The following LARP4B variants were observed in gnomAD, a reference collection of about 807,000 sequenced individuals.
LARP4B encodes la-related protein 4B.
LARP4B carries 12 observed loss-of-function variants against 89.8 expected under a neutral mutation model. The ratio of observed to expected loss-of-function variants is 0.13; its 90% CI spans 0.09 to 0.22. The LOEUF (loss-of-function observed/expected upper bound fraction) is 0.22. Among genes scored for constraint, LARP4B ranks in the 10% least tolerant of loss-of-function variants. LARP4B has a pLI of 1.00. For synonymous variants in LARP4B, 367 were observed against 363.3 expected (o/e 1.01, Z -0.12); for missense variants, 757 against 947.7 (o/e 0.80, Z 2.64).
At chr10:892,266 G>A (rs1403656397) in intron 1 of LARP4B, among the ~76,000 whole-genome samples, 1 of 152,198 alleles carries the variant, frequency 6.6e-6, no homozygotes, top group Non-Finnish European at 1.5e-5. Flanking sequence ...CCTATCTGTG[G>A]CCTCTATGCT....
rs187016412 is a variant in LARP4B, at chr10:814,181, G to C, written c.1929+561C>G. On this transcript the variant is annotated intron_variant, in intron 17 of 17. Coordinates refer to ENST00000316157, the MANE Select transcript of LARP4B (RefSeq NM_015155.3). This position sits in a 1 kb window ranked among gnomAD's most constrained non-coding sequence, Gnocchi z 4.4. ...ATCCTTTTTTAGACTCAGCCCAGGGGACAGTAAGGGATTAAACTCCCAAAT... is the reference window on the plus strand; with the variant it reads ...ATCCTTTTTTAGACTCAGCCCAGGGCACAGTAAGGGATTAAACTCCCAAAT... Among the ~76,000 whole-genome samples the C allele has an allele frequency of 6.6e-6, 1 of 152,016 alleles. No individual in the cohort carries two copies. The highest frequency in any genetic ancestry group is 6.5e-5 in the Admixed American group (1 of 15,286).
the LARP4B span, among the ~76,000 whole-genome samples, chr10:947,251 G>A: frequency 3.9e-5 from 6 of 152,276 alleles, no homozygotes; most frequent in African/African-American, 1.4e-4. Flanking sequence ...CATCATCTGC[G>A]TGTCTTGCCG....
At chr10:966,639 C>T in the LARP4B span, among the ~76,000 whole-genome samples, 1 of 152,206 alleles carries the variant, frequency 6.6e-6, no homozygotes, top group Non-Finnish European at 1.5e-5. Flanking sequence ...GTGTCAGCAC[C>T]CATGGGTGTC....
At chr10:960,523 G>A in the LARP4B span, among the ~76,000 whole-genome samples, 8,401 of 151,740 alleles carry the variant, frequency 0.055, 427 homozygotes, top group African/African-American at 0.14. Flanking sequence ...CTTGTCCAAC[G>A]TGGTGAAACC....
At chr10:934,082 T>G (rs1177205585), upstream of LARP4B, among the ~76,000 whole-genome samples, 3 of 152,044 alleles carry the variant, frequency 2.0e-5, no homozygotes, top group Admixed American at 1.3e-4. Context: ...TCCGCCTGCC[T>G]CAGCCTCCCT....
At chr10:986,060 C>G in the LARP4B span, 1 of 150,258 alleles carries the variant, frequency 6.7e-6, no homozygotes, top group East Asian at 2.0e-4. Context: ...CGGATGCCTA[C>G]TGATGGCTAA....
At chr10:859,953 C>T (rs1353916330) in intron 5 of LARP4B, among the ~76,000 whole-genome samples, 1 of 151,260 alleles carries the variant, frequency 6.6e-6, no homozygotes, top group East Asian at 2.0e-4. Flanking sequence ...ATGGAGGGTA[C>T]ATGTCATTAT....
At chr10:978,006 T>C in the LARP4B span, among the ~76,000 whole-genome samples, 1 of 152,148 alleles carries the variant, frequency 6.6e-6, no homozygotes, top group Non-Finnish European at 1.5e-5. Flanking sequence ...CCCTATCCCA[T>C]AGGCTATTTC....
intron 3 of LARP4B, among the ~76,000 whole-genome samples, chr10:866,523 C>G (rs544222767): frequency 6.6e-6 from 1 of 152,340 alleles, no homozygotes; most frequent in East Asian, 1.9e-4. Flanking sequence ...CACAACACTG[C>G]CTCTGGCAGC....
chr10:945,549 A>T, the LARP4B span, among the ~76,000 whole-genome samples: 3 of 152,070 alleles, frequency 2.0e-5, no homozygotes, highest in East Asian at 1.9e-4. Context: ...TTAGCCGGGC[A>T]TGGTGGCGGG....
At chr10:919,146 T>A (rs185525213) in intron 1 of LARP4B, among the ~76,000 whole-genome samples, 43 of 152,288 alleles carry the variant, frequency 2.8e-4, no homozygotes, top group Admixed American at 5.2e-4. Flanking sequence ...ATTCAACTAT[T>A]AAATATTTAA....
At chr10:918,962 T>C (rs1040108049) in intron 1 of LARP4B, among the ~76,000 whole-genome samples, 1 of 151,954 alleles carries the variant, frequency 6.6e-6, no homozygotes, top group African/African-American at 2.4e-5. Context: ...GCGCCTGTAG[T>C]CCCAGCTACT....
At chr10:920,882 T>C (rs1027847680) in intron 1 of LARP4B, among the ~76,000 whole-genome samples, 21 of 152,238 alleles carry the variant, frequency 1.4e-4, no homozygotes, top group Non-Finnish European at 1.5e-5. Flanking sequence ...TTAAGGCTGA[T>C]TAAATGTTAT....
chr10:862,256 T>TAAAAAAAAA (rs10661482), intron 5 of LARP4B, among the ~76,000 whole-genome samples: 32 of 84,406 alleles, frequency 3.8e-4, no homozygotes, highest in African/African-American at 1.6e-3. Context: ...CCACTGAAGT[T>TAAAAAAAAA]AAAAAAAAAA....
At chr10:842,613 A>G (rs923001235) in intron 7 of LARP4B, among the ~76,000 whole-genome samples, 1 of 152,268 alleles carries the variant, frequency 6.6e-6, no homozygotes, top group Non-Finnish European at 1.5e-5. Flanking sequence ...ATTTTACTTT[A>G]ACTATAAATG....
chr10:832,334 C>T (rs1187665441), intron 8 of LARP4B, among the ~76,000 whole-genome samples: 1 of 152,218 alleles, frequency 6.6e-6, no homozygotes, highest in African/African-American at 2.4e-5. Context: ...TGAGCCACTG[C>T]GCCCGGCCAG....
intron 3 of LARP4B, among the ~76,000 whole-genome samples, chr10:879,297 G>A (rs1380318456): frequency 1.3e-5 from 2 of 152,212 alleles, no homozygotes; most frequent in Non-Finnish European, 2.9e-5. Flanking sequence ...AGGGCATCTG[G>A]TCAGAGTATC....
chr10:868,457 C>T (rs1436143118), intron 3 of LARP4B, among the ~76,000 whole-genome samples: 4 of 150,064 alleles, frequency 2.7e-5, no homozygotes, highest in East Asian at 2.0e-4. Context: ...CATCGTTAAA[C>T]GTGGTAACGC....
At chr10:975,988 C>T in the LARP4B span, among the ~76,000 whole-genome samples, 2 of 143,048 alleles carry the variant, frequency 1.4e-5, no homozygotes, top group African/African-American at 5.3e-5. Context: ...GTAGGCCTGT[C>T]ACGTAATGTG....
Sources: allele counts gnomAD v4.1 joint callset (sites outside exome capture counted in the v4.1 genomes callset), GRCh38; gene constraint gnomAD v4.1.1; non-coding constraint Gnocchi (gnomAD v3.1); transcripts MANE v1.5; gene names NCBI Gene and HGNC (gene_info 2026-07-23, HGNC 2026-07-21).